LVRN: variants seen among roughly 807,000 people sequenced by gnomAD.
LVRN encodes aminopeptidase Q.
In LVRN, 99 loss-of-function variants were observed where a neutral mutation model predicts 111.4. That is an observed-to-expected ratio of 0.89 (90% CI 0.76 to 1.05). The LOEUF (loss-of-function observed/expected upper bound fraction) is 1.05, where lower values mean the gene tolerates loss of function less well. Among genes scored for constraint, LVRN ranks in the 50% least tolerant of loss-of-function variants. The pLI is 0.00. For missense variants in LVRN, 1,414 were observed against 1,206.8 expected (o/e 1.17, Z -2.54); for synonymous variants, 488 against 449.5 (o/e 1.09, Z -1.08).
chr5:115,992,381 T>A, intron 5 of LVRN, 104 bp downstream of exon 5: 1 of 1,315,408 alleles, frequency 7.6e-7, no homozygotes, highest in Non-Finnish European at 1.1e-6. Context: ...TACCATATTT[T>A]AAAAAGAAAA....
chr5:116,022,710 G>A (rs1001469571), intron 19 of LVRN, among the ~76,000 whole-genome samples: 4 of 152,176 alleles, frequency 2.6e-5, no homozygotes, highest in Admixed American at 2.0e-4. Context: ...CTGGCCCAGG[G>A]TTCCCGTCCC....
Position 116,000,445 on chromosome 5 carries a change from G to T in LVRN, c.1528G>T (p.Ala510Ser), listed in dbSNP as rs1173543967. The T allele has an allele frequency of 9.3e-6, 15 of 1,613,976 alleles. No homozygotes were observed. The highest frequency in any genetic ancestry group is 1.2e-5 in the Non-Finnish European group (14 of 1,180,002). ...TCTTTTGTCCTAGGGAGCGTCTATGGCCCGGATGCTTTCTTGTTTCTTGAA... is the reference window on the plus strand; with the variant it reads ...TCTTTTGTCCTAGGGAGCGTCTATGTCCCGGATGCTTTCTTGTTTCTTGAA... ...IFTYSKGASMARMLSCFLNEH... is the reference protein window; with the variant it reads ...IFTYSKGASMSRMLSCFLNEH... The change falls in exon 8 of 20, where the codon GCC becomes TCC. Residue 510 changes from alanine to serine, a missense_variant. Ala to Ser is a moderately conservative substitution (Grantham distance 99). Coordinates refer to ENST00000357872, the MANE Select transcript of LVRN (RefSeq NM_173800.5).
intron 18 of LVRN, among the ~76,000 whole-genome samples, chr5:116,020,535 T>C (rs1372081760): frequency 6.6e-6 from 1 of 152,244 alleles, no homozygotes; most frequent in Non-Finnish European, 1.5e-5. Flanking sequence ...CACATGTTAT[T>C]ATATAGCCTA....
chr5:115,983,693 C>T (rs1341647200), intron 2 of LVRN, among the ~76,000 whole-genome samples: 2 of 152,198 alleles, frequency 1.3e-5, no homozygotes, highest in African/African-American at 2.4e-5. Context: ...TGGGCTTCAA[C>T]TGTTGATCAT....
chr5:116,014,940 A>G (rs1258448940), intron 16 of LVRN, among the ~76,000 whole-genome samples: 1 of 152,036 alleles, frequency 6.6e-6, no homozygotes, highest in African/African-American at 2.4e-5. Context: ...TGGTTTTATT[A>G]CCTTTGATAT....
At chr5:116,021,196 G>T (rs1375099405) in intron 18 of LVRN, 1 of 152,152 alleles carries the variant, frequency 6.6e-6, no homozygotes, top group African/African-American at 2.4e-5. Flanking sequence ...TTTATAAATT[G>T]CCCAAGGTAA....
chr5:116,010,714 G>A lies in LVRN; in HGVS notation c.2094-27G>A, dbSNP rs201747040. ...ATTACTTAGCAAGTGAAGGTTTTTTGAGTGTGTGTGTTTTTAAATCAAACA... is the reference window on the plus strand; with the variant it reads ...ATTACTTAGCAAGTGAAGGTTTTTTAAGTGTGTGTGTTTTTAAATCAAACA... On this transcript the variant is annotated intron_variant, in intron 13 of 19. Transcript: ENST00000357872. 2.5e-6 allele frequency: 4 copies of A among 1,570,084 alleles called. No individual in the cohort carries two copies. The South Asian group carries it at 4.7e-5, about 19-fold the overall frequency.
At chr5:116,000,970 A>C in intron 9 of LVRN, 97 bp from the exon 10 acceptor site, 1 of 1,357,208 alleles carries the variant, frequency 7.4e-7, no homozygotes, top group Non-Finnish European at 1.0e-6. Context: ...TACATAAGTG[A>C]GGAAGAGAAT....
chr5:116,016,993 A>C (rs954886959), intron 18 of LVRN, among the ~76,000 whole-genome samples: 2 of 152,226 alleles, frequency 1.3e-5, no homozygotes, highest in African/African-American at 4.8e-5. Context: ...GGTGCAGTTC[A>C]AATTGTTATT....
Position 116,005,974 on chromosome 5 carries a change from AT to A in LVRN, c.2093+8del. On this transcript the variant is annotated splice_region_variant and intron_variant, in intron 13 of 19. Transcript: ENST00000357872. ...ATGCCTTTTCCTTGTCTAAGTGAGT[AT>A]ATTTTCTTCTCTCATGGTTTCAGAA... 1 of 1,584,286 alleles carries A rather than the reference AT, an allele frequency of 6.3e-7. No homozygotes were observed. The highest frequency in any genetic ancestry group is 8.7e-7 in the Non-Finnish European group (1 of 1,153,546).
intron 15 of LVRN, among the ~76,000 whole-genome samples, 186 bp from the exon 16 acceptor site, chr5:116,014,234 A>C (rs551857228): frequency 1.3e-5 from 2 of 152,230 alleles, no homozygotes; most frequent in Non-Finnish European, 2.9e-5. Flanking sequence ...AGAGCCTCTC[A>C]GTAAATATTT....
intron 1 of LVRN, among the ~76,000 whole-genome samples, chr5:115,964,056 C>CTA (rs1320686298): frequency 6.6e-6 from 1 of 152,220 alleles, no homozygotes; most frequent in Non-Finnish European, 1.5e-5. Context: ...ATAATATCTC[C>CTA]TACACGGAAT....
At chr5:115,977,996 A>T (rs180879979) in intron 1 of LVRN, among the ~76,000 whole-genome samples, 24 of 152,362 alleles carry the variant, frequency 1.6e-4, no homozygotes, top group Admixed American at 8.5e-4. Context: ...GAAAATTAGG[A>T]TATTTTGGGG....
rs1748472882 is a variant in LVRN at position 116,010,797 on chromosome 5, A to C, written c.2150A>C (p.Glu717Ala). ...GAGTTAACCAAGTACCTTGCTGAAG[A>C]AGATGAAATTATAGTATGGCATACA... ...ALELTKYLAE[E>A]DEIIVWHTVL... Residue 717 changes from glutamate (E) to alanine (A), a missense_variant, in exon 14 of 20, where the codon GAA becomes GCA. Glu to Ala is a moderately radical substitution (Grantham distance 107). Coordinates refer to ENST00000357872, the MANE Select transcript of LVRN (RefSeq NM_173800.5). The C allele has an allele frequency of 6.2e-7, 1 of 1,611,000 alleles. No individual in the cohort carries two copies. Among genetic ancestry groups the C allele is most frequent in the Non-Finnish European group, 8.5e-7 (1 of 1,178,966 alleles).
intron 12 of LVRN, 53 bp downstream of exon 12, chr5:116,003,433 A>G: frequency 8.5e-7 from 1 of 1,180,472 alleles, no homozygotes; most frequent in African/African-American, 1.6e-5. Context: ...TGCCTTCTCT[A>G]GTGTTTTAGA....
chr5:115,971,136 C>T (rs1457986302), intron 1 of LVRN, among the ~76,000 whole-genome samples: 1 of 152,146 alleles, frequency 6.6e-6, no homozygotes, highest in Admixed American at 6.5e-5. Context: ...TTTTCTGTAA[C>T]TATTTGTCAT....
At chr5:116,011,998 T>C (rs1748500571) in intron 14 of LVRN, among the ~76,000 whole-genome samples, 1 of 152,170 alleles carries the variant, frequency 6.6e-6, no homozygotes, top group South Asian at 2.1e-4. Flanking sequence ...AAGGCTATTT[T>C]ATATTTTTAC....
chr5:115,983,290 C>A lies in LVRN; in HGVS notation c.699C>A (p.Ala233=). The A allele has an allele frequency of 6.3e-7, 1 of 1,579,570 alleles. No individual in the cohort carries two copies. The highest frequency in any genetic ancestry group is 8.6e-7 in the Non-Finnish European group (1 of 1,169,102). The change falls in exon 2 of 20, where the codon GCC becomes GCA. Residue 233 remains alanine (A), a synonymous_variant. Transcript: ENST00000357872. The part of the protein sequence containing the change: ...NVYTDQGERR[A]LLASQLEPTF... Reference sequence around the variant, plus strand: ...ATTTCCCCAAAATGTATTTCAGGGCCCTGTTAGCGTCCCAGCTGGAACCAA... The same window carrying A: ...ATTTCCCCAAAATGTATTTCAGGGCACTGTTAGCGTCCCAGCTGGAACCAA...
intron 1 of LVRN, among the ~76,000 whole-genome samples, chr5:115,977,201 C>A (rs1378336088): frequency 6.6e-6 from 1 of 152,130 alleles, no homozygotes; most frequent in Non-Finnish European, 1.5e-5. Context: ...TCTTTCTTTG[C>A]ATAGTTACCT....
Sources: allele counts gnomAD v4.1 joint callset (sites outside exome capture counted in the v4.1 genomes callset), GRCh38; gene constraint gnomAD v4.1.1; transcripts MANE v1.5; gene names NCBI Gene and HGNC (gene_info 2026-07-23, HGNC 2026-07-21).